Variants in CLCN6 observed in about 807,000 individuals in gnomAD.
CLCN6 encodes Cl-/H+ antiporter 6.
In CLCN6, 70 loss-of-function variants were observed where a neutral mutation model predicts 109.8. The observed-to-expected ratio is 0.64, with a 90% CI of 0.53 to 0.78. The LOEUF (loss-of-function observed/expected upper bound fraction) is 0.78. Among genes scored for constraint, CLCN6 ranks in the 30% least tolerant of loss-of-function variants. CLCN6 has a pLI of 0.00. For synonymous variants in CLCN6, 444 were observed against 447.8 expected, an observed-to-expected ratio of 0.99 and a Z score of 0.11; for missense variants, 984 against 1,142.3, an observed-to-expected ratio of 0.86 and a Z score of 2.00.
At chr1:11,827,991 C>T (rs976636586) in intron 10 of CLCN6, 115 bp from the exon 11 acceptor site, 39 of 763,494 alleles carry the variant, frequency 5.1e-5, no homozygotes, top group East Asian at 3.7e-4. Flanking sequence ...TCTCTGTACC[C>T]GGATGTAGAT....
At chr1:11,814,066 C>G (rs1644637673) in intron 2 of CLCN6, among the ~76,000 whole-genome samples, 1 of 152,020 alleles carries the variant, frequency 6.6e-6, no homozygotes, top group Admixed American at 6.5e-5. Flanking sequence ...TGGACTAACT[C>G]TAGGTAGTCA....
In CLCN6 at chr1:11,815,845, G is replaced by C; in HGVS notation, c.148-1G>C. 6.2e-7 allele frequency: 1 copy of C among 1,613,394 alleles called. No homozygotes were observed. Among genetic ancestry groups the C allele is most frequent in the East Asian group, 2.2e-5 (1 of 44,864 alleles). ...TTTGACTCAACTTTGCCTCTTTTCA[G>C]AGTTTGGATTATGATCGCTGTATCA... is the stretch of plus-strand genomic sequence containing the variant. On this transcript the variant is annotated splice_acceptor_variant, in intron 2 of 22. Transcript: ENST00000346436. LOFTEE classifies it high-confidence loss of function.
At chr1:11,825,878 G>A (rs1304475269) in intron 8 of CLCN6, among the ~76,000 whole-genome samples, 5 of 152,130 alleles carry the variant, frequency 3.3e-5, no homozygotes, top group Middle Eastern at 3.2e-3. Flanking sequence ...CGTCCGCCTC[G>A]GCCTCCCAAA....
intron 4 of CLCN6, 109 bp downstream of exon 4, chr1:11,816,789 A>G (rs909515403): frequency 4.2e-6 from 3 of 717,016 alleles, no homozygotes; most frequent in Non-Finnish European, 6.8e-6. Context: ...AACATTTATA[A>G]CATTATAATG....
chr1:11,806,526 C>T (rs914075243), intron 1 of CLCN6, 177 bp downstream of exon 1: 1 of 507,138 alleles, frequency 2.0e-6, no homozygotes. Flanking sequence ...AGTCTGGGGT[C>T]TTTTCTCATA....
intron 1 of CLCN6, 172 bp from the exon 2 acceptor site, chr1:11,806,959 G>T: frequency 1.6e-6 from 1 of 616,850 alleles, no homozygotes; most frequent in Non-Finnish European, 2.9e-6. Flanking sequence ...GATGGCTGTA[G>T]ATCCTCACCC....
At chr1:11,811,546 C>T (rs569153120) in intron 2 of CLCN6, among the ~76,000 whole-genome samples, 3 of 152,236 alleles carry the variant, frequency 2.0e-5, no homozygotes, top group African/African-American at 7.2e-5. Context: ...CCACACCCGG[C>T]TAATTTTGTA....
intron 3 of CLCN6, 131 bp from the exon 4 acceptor site, chr1:11,816,484 A>G (rs544111898): frequency 1.2e-6 from 1 of 822,370 alleles, no homozygotes; most frequent in African/African-American, 1.7e-5. Context: ...AGCACCTGAA[A>G]TCCCAACATC....
At chr1:11,826,976 C>A in intron 9 of CLCN6, 113 bp from the exon 10 acceptor site, 1 of 1,354,890 alleles carries the variant, frequency 7.4e-7, no homozygotes, top group South Asian at 1.3e-5. Context: ...CTTCCAGGAT[C>A]CCTGCCTATT....
chr1:11,809,275 T>G (rs939689426), intron 2 of CLCN6, among the ~76,000 whole-genome samples: 1 of 152,204 alleles, frequency 6.6e-6, no homozygotes, highest in Non-Finnish European at 1.5e-5. Context: ...TGAACCCTGT[T>G]ACATCATCCT....
In CLCN6 at chr1:11,828,585, A is replaced by G; in HGVS notation, c.1082A>G (p.Tyr361Cys). ...FNCLNKRLAK[Y>C]RMRNVHPKPK... is the part of the protein sequence containing the mutation. ...TGTCTGAACAAGAGGCTTGCAAAGT[A>G]CCGTATGCGAAACGTGCACCCGAAA... Residue 361 changes from tyrosine (Y) to cysteine (C), a missense_variant, in exon 12 of 23, where the codon TAC (tyrosine) becomes TGC (cysteine). Tyr to Cys is a radical substitution (Grantham distance 194). Transcript: ENST00000346436. The G allele has an allele frequency of 6.2e-7, 1 of 1,613,734 alleles. No homozygotes were observed. The highest frequency in any genetic ancestry group is 2.2e-5 in the East Asian group (1 of 44,880).
intron 5 of CLCN6, among the ~76,000 whole-genome samples, 194 bp downstream of exon 5, chr1:11,819,748 T>C (rs543987800): frequency 6.6e-6 from 1 of 152,338 alleles, no homozygotes; most frequent in East Asian, 1.9e-4. Flanking sequence ...CCTATGTTTG[T>C]GGTTGATAAG....
rs1429821594 is a variant in CLCN6 at position 11,816,648 on chromosome 1, G to T, written c.247G>T (p.Val83Leu). 1 of 1,613,346 alleles carries T rather than the reference G, an allele frequency of 6.2e-7. No homozygotes were observed. The highest frequency in any genetic ancestry group is 8.5e-7 in the Non-Finnish European group (1 of 1,179,706). The change falls in exon 4 of 23, where the codon GTG becomes TTG. Residue 83 changes from valine to leucine, a missense_variant. Coordinates refer to ENST00000346436, the MANE Select transcript of CLCN6 (RefSeq NM_001286.5). ...AAGATATGAGGCGGTGAAGTGGATG[G>T]TGGTGTTTGCCATTGGAGTCTGCAC... ...GRRYEAVKWMVVFAIGVCTGL... is the reference protein window; with the variant it reads ...GRRYEAVKWMLVFAIGVCTGL...
At chr1:11,827,430 C>CA (rs1644827547) in intron 10 of CLCN6, among the ~76,000 whole-genome samples, 1 of 105,020 alleles carries the variant, frequency 9.5e-6, no homozygotes, top group South Asian at 3.3e-4. Context: ...ACCGCTGTTA[C>CA]TTTTTTTTTT....
intron 9 of CLCN6, among the ~76,000 whole-genome samples, chr1:11,826,703 A>G (rs952837980): frequency 6.6e-6 from 1 of 152,200 alleles, no homozygotes; most frequent in African/African-American, 2.4e-5. Flanking sequence ...GCACATACCC[A>G]GAAGGCACCT....
At chr1:11,835,639 G>A (rs762056394) in intron 17 of CLCN6, among the ~76,000 whole-genome samples, 2 of 152,188 alleles carry the variant, frequency 1.3e-5, no homozygotes, top group Non-Finnish European at 2.9e-5. Context: ...AGTATGTGGA[G>A]CGTGCTGCAG....
chr1:11,807,603 T>C (rs1403439295), intron 2 of CLCN6, among the ~76,000 whole-genome samples: 3 of 152,230 alleles, frequency 2.0e-5, no homozygotes, highest in Non-Finnish European at 4.4e-5. Flanking sequence ...CTCAAGCAGC[T>C]TCTCTCTGAC....
In CLCN6 at chr1:11,827,207, C is replaced by T. The variant is rs753615019; in HGVS notation, c.826C>T (p.Leu276Phe). 6.2e-7 allele frequency: 1 copy of T among 1,612,294 alleles called. No homozygotes were observed. The highest frequency in any genetic ancestry group is 8.5e-7 in the Non-Finnish European group (1 of 1,178,996). Residue 276 changes from leucine (L) to phenylalanine (F), a missense_variant, in exon 10 of 23, where the codon CTC (leucine) becomes TTC (phenylalanine). Transcript: ENST00000346436. ...EEGSSFWNQG[L>F]TWKVLFCSMS... Reference sequence around the variant, plus strand: ...GGGTTCGTCCTTCTGGAACCAAGGGCTCACGTGGAAAGTGGTGAGGAGGAC... The same window carrying T: ...GGGTTCGTCCTTCTGGAACCAAGGGTTCACGTGGAAAGTGGTGAGGAGGAC...
At chr1:11,813,784 C>T (rs758493536) in intron 2 of CLCN6, among the ~76,000 whole-genome samples, 2 of 152,146 alleles carry the variant, frequency 1.3e-5, no homozygotes, top group Non-Finnish European at 2.9e-5. Context: ...CACTACCTCA[C>T]GGATGTTTTC....
Sources: gnomAD v4.1 joint callset for allele counts (sites outside exome capture counted in the v4.1 genomes callset) on GRCh38, gnomAD v4.1.1 for gene constraint, MANE v1.5 for transcripts, NCBI Gene and HGNC (gene_info 2026-07-23, HGNC 2026-07-21) for gene names.